DHX57: variants seen among roughly 807,000 people sequenced by gnomAD.
DHX57 encodes putative ATP-dependent RNA helicase DHX57.
In DHX57, 105 loss-of-function variants were observed where a neutral mutation model predicts 156.2. That is an observed-to-expected ratio of 0.67 (90% CI 0.57 to 0.79). The LOEUF (loss-of-function observed/expected upper bound fraction) is 0.79. DHX57 is among the 30% of genes least tolerant of loss of function. The probability of loss-of-function intolerance (pLI) is 0.00; values close to 1 mark genes in which losing one functional copy is unlikely to be tolerated. For missense variants in DHX57, 1,847 were observed against 1,661.9 expected (o/e 1.11, Z -1.94); for synonymous variants, 704 against 595.6 (o/e 1.18, Z -2.65).
chr2:38,819,043 A>G lies in DHX57; in HGVS notation c.3387+6T>C, dbSNP rs369492183. Reference sequence around the variant, plus strand: ...ATAAAACTAAGCTATTAGGTTATATACTTACCTTATACGCTTGTAGAAGGG... The same window carrying G: ...ATAAAACTAAGCTATTAGGTTATATGCTTACCTTATACGCTTGTAGAAGGG... On this transcript the variant is annotated splice_donor_region_variant and intron_variant, in intron 18 of 23. Coordinates refer to ENST00000457308, the MANE Select transcript of DHX57 (RefSeq NM_198963.3). 1.2e-5 allele frequency: 19 copies of G among 1,614,170 alleles called. No individual in the cohort carries two copies. Among genetic ancestry groups the G allele is most frequent in the East Asian group, 1.1e-4 (5 of 44,890 alleles).
At chr2:38,819,424 C>T (rs533388834) in intron 17 of DHX57, among the ~76,000 whole-genome samples, 1 of 152,320 alleles carries the variant, frequency 6.6e-6, no homozygotes, top group East Asian at 1.9e-4. Context: ...AATTGGCCCA[C>T]CTCGGCCTAC....
chr2:38,819,958 T>G (rs1670728160), intron 17 of DHX57, among the ~76,000 whole-genome samples: 2 of 152,190 alleles, frequency 1.3e-5, no homozygotes, highest in Admixed American at 1.3e-4. Context: ...TTTCACCACT[T>G]TACACATACC....
intron 1 of DHX57, among the ~76,000 whole-genome samples, chr2:38,871,432 T>A (rs868667824): frequency 6.6e-6 from 1 of 152,154 alleles, no homozygotes; most frequent in Non-Finnish European, 1.5e-5. Flanking sequence ...ATAATATGTA[T>A]AACAATACTA....
chr2:38,801,263 CAG>C (rs1430598072), intron 23 of DHX57, among the ~76,000 whole-genome samples: 1 of 152,080 alleles, frequency 6.6e-6, no homozygotes, highest in Non-Finnish European at 1.5e-5. Flanking sequence ...TTTTTTGGGA[CAG>C]AGTCTCACTC....
At chr2:38,815,443 G>C in intron 20 of DHX57, 78 bp downstream of exon 20, 1 of 1,572,182 alleles carries the variant, frequency 6.4e-7, no homozygotes, top group Non-Finnish European at 8.7e-7. Context: ...GAAGAAGAAT[G>C]TCTACAAGTG....
chr2:38,802,508 G>A (rs1177566742), intron 23 of DHX57, among the ~76,000 whole-genome samples: 5 of 151,942 alleles, frequency 3.3e-5, no homozygotes, highest in African/African-American at 9.7e-5. Context: ...GGCTGGTCTC[G>A]AACTCCTGGC....
chr2:38,811,615 C>T (rs1439578683), intron 21 of DHX57: 17 of 1,370,910 alleles, frequency 1.2e-5, no homozygotes, highest in South Asian at 2.3e-5. Flanking sequence ...GTGTCCAGGC[C>T]GGCACTGTAG....
chr2:38,830,479 T>C (rs935093042), intron 13 of DHX57, among the ~76,000 whole-genome samples: 2 of 151,688 alleles, frequency 1.3e-5, no homozygotes, highest in African/African-American at 4.8e-5. Context: ...AATACAAAAA[T>C]TAGCCTGGCA....
In DHX57 at chr2:38,861,389, A is replaced by G. The variant is rs1375205500; in HGVS notation, c.1021T>C (p.Ser341Pro). 2.5e-6 allele frequency: 4 copies of G among 1,613,710 alleles called. No individual in the cohort carries two copies. Among genetic ancestry groups the G allele is most frequent in the Non-Finnish European group, 3.4e-6 (4 of 1,179,904 alleles). Residue 341 changes from serine (S) to proline (P), a missense_variant, in exon 5 of 24, where the codon TCT (serine) becomes CCT (proline). Ser to Pro is a moderately conservative substitution (Grantham distance 74). Transcript: ENST00000457308. ...GCATCTTCAATAGCATTAAGATGAG[A>G]ATCATCTACACTTCTTTCTATTCTT... is the stretch of plus-strand genomic sequence containing the variant. ...VGRIERSVDDSHLNAIEDASF... is the reference protein window; with the variant it reads ...VGRIERSVDDPHLNAIEDASF...
chr2:38,858,047 G>A (rs999053122), intron 6 of DHX57, among the ~76,000 whole-genome samples: 1 of 152,020 alleles, frequency 6.6e-6, no homozygotes, highest in African/African-American at 2.4e-5. Flanking sequence ...CTAAACCACA[G>A]TATTTGTTTT....
chr2:38,827,545 TATATATACACATACAC>T (rs1671163292), intron 14 of DHX57, among the ~76,000 whole-genome samples: 2 of 122,956 alleles, frequency 1.6e-5, no homozygotes, highest in African/African-American at 3.0e-5. Context: ...CACACATACA[TATATATACACATACAC>T]ACACACACAC....
chr2:38,816,152 C>G (rs1466541943), intron 19 of DHX57: 1 of 471,128 alleles, frequency 2.1e-6, no homozygotes, highest in Non-Finnish European at 4.4e-6. Context: ...TCCTCTTTCT[C>G]CTTCATTATG....
At chr2:38,858,585 C>T (rs1673021285) in intron 6 of DHX57, 76 bp downstream of exon 6, 2 of 1,494,770 alleles carry the variant, frequency 1.3e-6, no homozygotes, top group African/African-American at 1.4e-5. Context: ...GGAGGGTAGC[C>T]AAAGCTCCCT....
At chr2:38,858,510 T>G in intron 6 of DHX57, 151 bp downstream of exon 6, 1 of 1,039,214 alleles carries the variant, frequency 9.6e-7, no homozygotes, top group Non-Finnish European at 1.4e-6. Context: ...CATATGCACT[T>G]AAGTTTGCTG....
chr2:38,822,281 A>C (rs1451998830), intron 17 of DHX57, among the ~76,000 whole-genome samples: 1 of 151,902 alleles, frequency 6.6e-6, no homozygotes, highest in Non-Finnish European at 1.5e-5. Flanking sequence ...GGGTTTCTCC[A>C]TGTTGGTCAG....
Position 38,854,170 on chromosome 2 carries a change from G to T in DHX57, c.1914C>A (p.Ala638=). The change falls in exon 9 of 24, where the codon GCC becomes GCA. Residue 638 remains alanine (A), a synonymous_variant. Coordinates refer to ENST00000457308, the MANE Select transcript of DHX57 (RefSeq NM_198963.3). ...QIRLESVKSS[A]TRLLYCTTGV... ...CCGTGGTGCAGTATAACAGTCTGGT[G>T]GCTGAGGACTTACACATGAAAGGGC... 1 of 1,613,630 alleles carries T rather than the reference G, an allele frequency of 6.2e-7. No homozygotes were observed. Among genetic ancestry groups the T allele is most frequent in the Middle Eastern group, 1.7e-4 (1 of 6,060 alleles).
intron 12 of DHX57, among the ~76,000 whole-genome samples, chr2:38,841,653 C>T (rs569264889): frequency 6.6e-6 from 1 of 152,206 alleles, no homozygotes; most frequent in African/African-American, 2.4e-5. Flanking sequence ...ACAATAAACA[C>T]CCTTTTTTGG....
intron 11 of DHX57, 100 bp downstream of exon 11, chr2:38,846,919 C>CA: frequency 1.0e-6 from 1 of 963,392 alleles, no homozygotes; most frequent in Non-Finnish European, 1.6e-6. Context: ...GAACTGGCCC[C>CA]AAAAGATCCT....
intron 22 of DHX57, among the ~76,000 whole-genome samples, chr2:38,805,061 T>C (rs1012328587): frequency 2.0e-5 from 3 of 152,192 alleles, no homozygotes; most frequent in Admixed American, 6.6e-5. Flanking sequence ...GATTAGGCGC[T>C]AGTAGATATT....
Sources: allele counts gnomAD v4.1 joint callset (sites outside exome capture counted in the v4.1 genomes callset), GRCh38; gene constraint gnomAD v4.1.1; transcripts MANE v1.5; gene names NCBI Gene and HGNC (gene_info 2026-07-23, HGNC 2026-07-21).